Variants in USP36 observed in about 807,000 individuals in gnomAD.
USP36 encodes ubiquitin specific peptidase 36.
In USP36, 59 loss-of-function variants were observed where a neutral mutation model predicts 111.5. The ratio of observed to expected loss-of-function variants is 0.53; its 90% CI spans 0.43 to 0.66. USP36 has a LOEUF of 0.66. Among genes scored for constraint, USP36 ranks in the 30% least tolerant of loss-of-function variants. The probability of loss-of-function intolerance (pLI) is 0.00; values close to 1 mark genes in which losing one functional copy is unlikely to be tolerated. For synonymous variants in USP36, 628 were observed against 581.0 expected (o/e 1.08, Z -1.16); for missense variants, 1,488 against 1,468.0 (o/e 1.01, Z -0.22).
chr17:78,798,969 C>T lies in USP36; in HGVS notation c.3179G>A (p.Ser1060Asn). Residue 1060 changes from serine to asparagine, a missense_variant, in exon 19 of 21, where the codon AGC becomes AAC. Around this residue, in one of 3 missense-constraint regions of USP36, gnomAD observed 1,073 missense variants for 994.1 expected, o/e 1.08. Transcript: ENST00000449938. The surrounding 1 kb of genome is among the most constrained non-coding windows in gnomAD (Gnocchi z 5.1). The stretch of plus-strand genomic sequence containing the variant: ...CACGGTCTCAGTCCGGGCCTGTCTG[C>T]TGTCTTCAATAGCATCCTGACTGAC... ...SAVSQDAIEDSRQARTETVVD... is the reference protein window; with the variant it reads ...SAVSQDAIEDNRQARTETVVD... The T allele has an allele frequency of 6.2e-7, 1 of 1,614,198 alleles. No individual in the cohort carries two copies.
chr17:78,837,644 C>A (rs574519887), intron 2 of USP36, among the ~76,000 whole-genome samples: 1 of 152,172 alleles, frequency 6.6e-6, no homozygotes, highest in Non-Finnish European at 1.5e-5. Flanking sequence ...CCCCTACCCA[C>A]CACCTCTCAA....
intron 14 of USP36, among the ~76,000 whole-genome samples, chr17:78,806,681 A>G (rs2145106871): frequency 6.6e-6 from 1 of 152,202 alleles, no homozygotes; most frequent in South Asian, 2.1e-4. Flanking sequence ...AGGATCTTCC[A>G]CCTACTGTGA....
At chr17:78,828,407 T>A (rs542207085) in intron 5 of USP36, among the ~76,000 whole-genome samples, 1 of 152,280 alleles carries the variant, frequency 6.6e-6, no homozygotes, top group East Asian at 1.9e-4. Context: ...CAGAATGGAA[T>A]TGGTACATTC....
In USP36 at chr17:78,807,413, T is replaced by C; in HGVS notation, c.1631A>G (p.His544Arg). 3 of 1,614,174 alleles carry C rather than the reference T, an allele frequency of 1.9e-6. No individual in the cohort carries two copies. Among genetic ancestry groups the C allele is most frequent in the African/African-American group, 1.3e-5 (1 of 75,050 alleles). Reference protein sequence around the residue: ...KKVKKPAPPQHFSPRTAQGLP... With the variant: ...KKVKKPAPPQRFSPRTAQGLP... The stretch of plus-strand genomic sequence containing the variant: ...CCCCTGAGCAGTTCTGGGGGAAAAG[T>C]GCTGTGGAGGAGCTGGCTTCTTCAC... Residue 544 changes from histidine to arginine, a missense_variant, in exon 14 of 21, where the codon CAC (histidine) becomes CGC (arginine). His to Arg is a conservative substitution (Grantham distance 29, BLOSUM62 0). Transcript: ENST00000449938.
chr17:78,827,099 G>A (rs1241129295), intron 6 of USP36, 146 bp downstream of exon 6: 6 of 874,398 alleles, frequency 6.9e-6, no homozygotes, highest in Non-Finnish European at 1.1e-5. Context: ...AACAGTTTGA[G>A]TACCCAGAGG....
rs770606163 is a variant in USP36 at position 78,798,882 on chromosome 17, C to T, written c.3240+26G>A. 2.5e-6 allele frequency: 4 copies of T among 1,613,028 alleles called. No homozygotes were observed. The East Asian group carries it at 8.9e-5, about 36-fold the overall frequency. ...AGCCACGCCGCCCTGCTCCCTCAAG[C>T]CTGTGGTCAGCATCACACATCATAC... On this transcript the variant is annotated intron_variant, in intron 19 of 20. Transcript: ENST00000449938. The surrounding 1 kb of genome is among the most constrained non-coding windows in gnomAD (Gnocchi z 5.1).
intron 17 of USP36, 35 bp from the exon 18 acceptor site, chr17:78,799,803 G>GT (rs1567907863): frequency 6.7e-7 from 1 of 1,488,868 alleles, no homozygotes; most frequent in Non-Finnish European, 9.0e-7. Context: ...ATTTACAGAC[G>GT]TTTAAAATAA....
intron 10 of USP36, among the ~76,000 whole-genome samples, chr17:78,817,324 G>C (rs1212796417): frequency 6.6e-6 from 1 of 152,174 alleles, no homozygotes; most frequent in Non-Finnish European, 1.5e-5. Context: ...ACGACATTAA[G>C]AATCTGCAAA....
chr17:78,820,060 G>T (rs531508350), intron 8 of USP36, 48 bp from the exon 9 acceptor site: 2 of 1,588,524 alleles, frequency 1.3e-6, no homozygotes, highest in African/African-American at 2.7e-5. Context: ...GAGGAAAAAG[G>T]CTGATTCAAG....
At position 78,802,520 on chromosome 17, in the gene USP36, A is replaced by G. The variant is rs2093779147; in HGVS notation, c.2826T>C (p.Gly942=). The G allele has an allele frequency of 6.2e-7, 1 of 1,605,522 alleles. No individual in the cohort carries two copies. Among genetic ancestry groups the G allele is most frequent in the Non-Finnish European group, 8.5e-7 (1 of 1,179,622 alleles). The part of the protein sequence containing the change: ...DPLRHSCSPM[G]DGDPEAMEES... ...CTTCCATGGCCTCTGGATCACCATC[A>G]CCCATGGGAGAGCAGCTGCTTGGAA... is the stretch of plus-strand genomic sequence containing the variant. Residue 942 remains glycine (G), a synonymous_variant, in exon 17 of 21, where the codon GGT becomes GGC. Transcript: ENST00000449938.
At position 78,807,562 on chromosome 17, in the gene USP36, G is replaced by A. The variant is rs755801479; in HGVS notation, c.1482C>T (p.Ser494=). ...CGTTCTGGGACTTCAGGCCCAGGGTGGAGCCATTCCTGGATATGGGCACAC... is the reference window on the plus strand; with the variant it reads ...CGTTCTGGGACTTCAGGCCCAGGGTAGAGCCATTCCTGGATATGGGCACAC... ...EIGVPISRNG[S]TLGLKSQNGC... Residue 494 remains serine (S), a synonymous_variant, in exon 14 of 21, where the codon TCC becomes TCT. Transcript: ENST00000449938. 1.9e-6 allele frequency: 3 copies of A among 1,608,886 alleles called. No homozygotes were observed. Among genetic ancestry groups the A allele is most frequent in the Non-Finnish European group, 2.5e-6 (3 of 1,177,582 alleles).
Position 78,798,175 on chromosome 17 carries a change from CCACACACACCCCCTTATACACA to C in USP36, c.*20+203_*20+224del, listed in dbSNP as rs2093659632. ...ACACACCCCCTTATACACACGCATCCCACACACACCCCCTTATACACACGCATCCCACACACACCCTTCTCCA... is the reference window on the plus strand; with the variant it reads ...ACACACCCCCTTATACACACGCATCCCGCATCCCACACACACCCTTCTCCA... On this transcript the variant is annotated intron_variant, in intron 20 of 20. Transcript: ENST00000449938. The surrounding 1 kb of genome is among the most constrained non-coding windows in gnomAD (Gnocchi z 5.1). 1 of 576,410 alleles carries C rather than the reference CCACACACACCCCCTTATACACA, an allele frequency of 1.7e-6. No individual in the cohort carries two copies. The highest frequency in any genetic ancestry group is 1.9e-5 in the African/African-American group (1 of 51,374). 35.7% of individuals were successfully genotyped at this position (576,410 alleles called of 1,614,324 possible).
At chr17:78,811,049 G>A (rs1187600527) in intron 13 of USP36, among the ~76,000 whole-genome samples, 1 of 151,126 alleles carries the variant, frequency 6.6e-6, no homozygotes, top group East Asian at 1.9e-4. Flanking sequence ...AAGAGGCGGA[G>A]GCTGCATAGT....
intron 12 of USP36, among the ~76,000 whole-genome samples, chr17:78,813,388 G>C (rs2094113647): frequency 1.3e-5 from 2 of 152,156 alleles, no homozygotes; most frequent in African/African-American, 4.8e-5. Context: ...GGCCCCTCCA[G>C]AGAAGCTCTG....
chr17:78,828,237 T>C (rs2067757630), intron 5 of USP36, among the ~76,000 whole-genome samples: 1 of 152,174 alleles, frequency 6.6e-6, no homozygotes, highest in Admixed American at 6.5e-5. Flanking sequence ...GTAAAATCCA[T>C]TGAATATCTC....
In USP36 at chr17:78,797,283, G is replaced by C. The variant is rs1243544377; in HGVS notation, c.*617C>G. ...AGCCTCTGCTCTCCAGGACAGTTGA[G>C]AGCTACTCACAAGGAAGGGGTGCAC... On this transcript the variant is annotated 3_prime_UTR_variant, in exon 21 of 21. Coordinates refer to ENST00000449938, the MANE Select transcript of USP36 (RefSeq NM_001385174.1). 1 of 152,348 alleles carries C rather than the reference G, an allele frequency of 6.6e-6. No individual in the cohort carries two copies. Among genetic ancestry groups the C allele is most frequent in the South Asian group, 2.1e-4 (1 of 4,826 alleles). The allele number at this position is 152,348 out of a possible 1,614,324, so 9.4% of individuals were successfully genotyped here. A position where few individuals can be genotyped will look rare whatever the true frequency, so the allele number is the denominator to read the frequency against.
intron 14 of USP36, 110 bp from the exon 15 acceptor site, chr17:78,806,396 A>T: frequency 1.4e-6 from 2 of 1,462,376 alleles, no homozygotes; most frequent in Non-Finnish European, 1.8e-6. Flanking sequence ...AGAGCCCAGA[A>T]AAAAAGATGA....
In USP36 at chr17:78,803,580, G is replaced by A. The variant is rs370094599; in HGVS notation, c.2615C>T (p.Pro872Leu). Residue 872 changes from proline to leucine, a missense_variant, in exon 16 of 21, where the codon CCC (proline) becomes CTC (leucine). Pro to Leu is a moderately conservative substitution (Grantham distance 98). Coordinates refer to ENST00000449938, the MANE Select transcript of USP36 (RefSeq NM_001385174.1). This position sits in a 1 kb window ranked among gnomAD's most constrained non-coding sequence, Gnocchi z 4.6. ...TGCCTGGCCCTCCCTCCTGTACATG[G>A]GGCTCCCAGGCTGTCTCTGTGTCTG... Reference protein sequence around the residue: ...EGQTQRQPGSPMYRREGQAQL... With the variant: ...EGQTQRQPGSLMYRREGQAQL... 7.4e-6 allele frequency: 12 copies of A among 1,613,004 alleles called. No individual in the cohort carries two copies. Among genetic ancestry groups the A allele is most frequent in the African/African-American group, 1.3e-5 (1 of 74,894 alleles).
At chr17:78,806,082 C>A in intron 15 of USP36, 74 bp downstream of exon 15, 13 of 1,604,886 alleles carry the variant, frequency 8.1e-6, no homozygotes, top group South Asian at 1.1e-5. Context: ...ATTCGTCCAA[C>A]TCCTCACCAG....
Sources: gnomAD v4.1 joint callset for allele counts (sites outside exome capture counted in the v4.1 genomes callset) on GRCh38, gnomAD v4.1.1 for gene constraint, gnomAD v4.1.1 regional missense constraint, Gnocchi (gnomAD v3.1) non-coding constraint, MANE v1.5 for transcripts, NCBI Gene and HGNC (gene_info 2026-07-23, HGNC 2026-07-21) for gene names.